LHFPL2: variants seen among roughly 807,000 people sequenced by gnomAD.
LHFPL2 encodes the protein LHFPL tetraspan subfamily member 2.
A neutral mutation model predicts 17.5 loss-of-function variants in LHFPL2; 7 were observed. The observed-to-expected ratio is 0.40, with a 90% CI of 0.23 to 0.75. LHFPL2 has a LOEUF of 0.75. LHFPL2 is among the 30% of genes least tolerant of loss of function. The probability of loss-of-function intolerance (pLI) is 0.37; values close to 1 mark genes in which losing one functional copy is unlikely to be tolerated. For missense variants in LHFPL2, 241 were observed against 294.8 expected, an observed-to-expected ratio of 0.82 and a Z score of 1.34; for synonymous variants, 134 against 116.2, an observed-to-expected ratio of 1.15 and a Z score of -0.99.
At chr5:78,531,271 C>T (rs915094101) in intron 3 of LHFPL2, among the ~76,000 whole-genome samples, 2 of 151,988 alleles carry the variant, frequency 1.3e-5, no homozygotes, top group East Asian at 1.9e-4. Context: ...CAAAATTAGC[C>T]GGGCATGGTG....
At chr5:78,523,032 T>C (rs1755503936) in intron 3 of LHFPL2, among the ~76,000 whole-genome samples, 1 of 152,138 alleles carries the variant, frequency 6.6e-6, no homozygotes, top group Admixed American at 6.5e-5. Context: ...GGGTGGACCA[T>C]GCTGACACTG....
At chr5:78,645,509 G>A (rs2112533923) in intron 1 of LHFPL2, among the ~76,000 whole-genome samples, 1 of 149,676 alleles carries the variant, frequency 6.7e-6, no homozygotes, top group Non-Finnish European at 1.5e-5. Flanking sequence ...ACTGGGAATT[G>A]CATCATTAAC....
chr5:78,610,523 G>A (rs1744382745), intron 2 of LHFPL2, among the ~76,000 whole-genome samples: 2 of 152,166 alleles, frequency 1.3e-5, no homozygotes, highest in African/African-American at 4.8e-5. Context: ...GGTGTGCATG[G>A]GAGGATGGCC....
intron 2 of LHFPL2, among the ~76,000 whole-genome samples, chr5:78,601,744 A>T (rs560890956): frequency 6.6e-6 from 1 of 152,288 alleles, no homozygotes; most frequent in East Asian, 1.9e-4. Flanking sequence ...AAAGAAGAGA[A>T]GCCAGAGGAC....
chr5:78,575,427 T>C (rs1204341994), intron 2 of LHFPL2, among the ~76,000 whole-genome samples: 1 of 152,032 alleles, frequency 6.6e-6, no homozygotes, highest in Non-Finnish European at 1.5e-5. Context: ...CACGCACCTG[T>C]AGTCCCAGCT....
At chr5:78,564,503 A>G (rs969037272) in intron 3 of LHFPL2, among the ~76,000 whole-genome samples, 5 of 152,224 alleles carry the variant, frequency 3.3e-5, no homozygotes. Flanking sequence ...GAAAGGAAAG[A>G]CAAATTCAGC....
At chr5:78,526,739 T>C (rs1349578807) in intron 3 of LHFPL2, among the ~76,000 whole-genome samples, 1 of 152,178 alleles carries the variant, frequency 6.6e-6, no homozygotes, top group Non-Finnish European at 1.5e-5. Flanking sequence ...TGATATGCTA[T>C]TATTATGTTA....
At chr5:78,635,824 C>CA (rs1745428483) in intron 1 of LHFPL2, among the ~76,000 whole-genome samples, 1 of 145,544 alleles carries the variant, frequency 6.9e-6, no homozygotes, top group Non-Finnish European at 1.5e-5. Context: ...AACAAACAAA[C>CA]AACAACAAAA....
chr5:78,616,083 CT>C (rs1744590621), intron 2 of LHFPL2, among the ~76,000 whole-genome samples: 1 of 151,996 alleles, frequency 6.6e-6, no homozygotes, highest in Middle Eastern at 3.4e-3. Context: ...CTCCCATTCC[CT>C]TGGCAATCCA....
chr5:78,623,560 T>C (rs574937837), intron 2 of LHFPL2, among the ~76,000 whole-genome samples: 1 of 152,332 alleles, frequency 6.6e-6, no homozygotes, highest in East Asian at 1.9e-4. Context: ...CCACAGGCAA[T>C]GCTGAAACTC....
intron 3 of LHFPL2, among the ~76,000 whole-genome samples, chr5:78,529,258 C>A (rs1755709624): frequency 6.6e-6 from 1 of 152,128 alleles, no homozygotes; most frequent in Non-Finnish European, 1.5e-5. Context: ...TACACTCCAG[C>A]CTGAGCAACA....
At chr5:78,538,314 T>C (rs1365110711) in intron 3 of LHFPL2, among the ~76,000 whole-genome samples, 2 of 151,528 alleles carry the variant, frequency 1.3e-5, no homozygotes, top group Non-Finnish European at 2.9e-5. Context: ...TGAAGCCTTA[T>C]ATACAACAGG....
intron 1 of LHFPL2, among the ~76,000 whole-genome samples, chr5:78,639,252 T>C (rs1003052490): frequency 6.6e-6 from 1 of 152,224 alleles, no homozygotes; most frequent in Non-Finnish European, 1.5e-5. Flanking sequence ...CTTGGTAACA[T>C]AGTGTAAACA....
At chr5:78,496,263 G>A (rs1167873110) in intron 4 of LHFPL2, among the ~76,000 whole-genome samples, 1 of 152,112 alleles carries the variant, frequency 6.6e-6, no homozygotes, top group African/African-American at 2.4e-5. Flanking sequence ...TAGGAACTTG[G>A]TTATAGGTTA....
At chr5:78,555,911 A>G (rs1756560492) in intron 3 of LHFPL2, among the ~76,000 whole-genome samples, 2 of 152,364 alleles carry the variant, frequency 1.3e-5, no homozygotes, top group East Asian at 3.9e-4. Flanking sequence ...GAAGCACTTC[A>G]TGGGGTCCAT....
At chr5:78,501,415 T>C (rs12186533) in intron 4 of LHFPL2, among the ~76,000 whole-genome samples, 10 of 152,132 alleles carry the variant, frequency 6.6e-5, no homozygotes, top group African/African-American at 2.4e-4. Context: ...AACTTCTGGC[T>C]GAGGGCCCTT....
rs372405590 is a variant in LHFPL2, at chr5:78,582,925, G to C, written c.-244-18054C>G. Among the ~76,000 whole-genome samples, 157 of 152,204 alleles carry C rather than the reference G, an allele frequency of 1.0e-3. 1 individual carries two copies. The highest frequency in any genetic ancestry group is 6.8e-3 in the Middle Eastern group (2 of 294). On this transcript the variant is annotated intron_variant, in intron 2 of 4. Coordinates refer to ENST00000380345, the MANE Select transcript of LHFPL2 (RefSeq NM_005779.3). ...ATTATTAATGTGTGGGAGTCTAAGT[G>C]TCTTTGTAGGTCACTCAGGACTTGC... is the stretch of plus-strand genomic sequence containing the variant.
At position 78,640,244 on chromosome 5, in the gene LHFPL2, TATCA is replaced by T. The variant is rs557116680; in HGVS notation, c.-349-7880_-349-7877del. Among the ~76,000 whole-genome samples the T allele has an allele frequency of 5.4e-3, 828 of 152,338 alleles. 3 individuals carry two copies. The highest frequency in any genetic ancestry group is 0.015 in the African/African-American group (630 of 41,582). ...AGCACTTATTTAATTCAGTATTTCT[TATCA>T]ATCAGGTTTATTTCAGTACTTCTTA... On this transcript the variant is annotated intron_variant, in intron 1 of 4. Transcript: ENST00000380345.
chr5:78,571,864 G>T (rs1757007830), intron 2 of LHFPL2, among the ~76,000 whole-genome samples: 1 of 152,192 alleles, frequency 6.6e-6, no homozygotes, highest in African/African-American at 2.4e-5. Flanking sequence ...GAATTTTTAA[G>T]TTAGTTGTCT....
Sources: gnomAD v4.1 joint callset for allele counts (sites outside exome capture counted in the v4.1 genomes callset) on GRCh38, gnomAD v4.1.1 for gene constraint, MANE v1.5 for transcripts, NCBI Gene and HGNC (gene_info 2026-07-23, HGNC 2026-07-21) for gene names.